The following TRHDE variants were observed in gnomAD, a reference collection of about 807,000 sequenced individuals.
The protein encoded by TRHDE is thyrotropin releasing hormone degrading enzyme, also known as thyrotropin-releasing hormone-degrading ectoenzyme.
TRHDE carries 72 observed loss-of-function variants against 125.7 expected under a neutral mutation model. The observed-to-expected ratio is 0.57, with a 90% confidence interval of 0.47 to 0.70. TRHDE has a LOEUF of 0.70. Among genes scored for constraint, TRHDE ranks in the 30% least tolerant of loss-of-function variants. The pLI, the probability that TRHDE is intolerant of heterozygous loss-of-function variation, is 0.00. For missense variants in TRHDE, 1,110 were observed against 1,327.1 expected, an observed-to-expected ratio of 0.84 and a Z score of 2.54; for synonymous variants, 509 against 509.1, an observed-to-expected ratio of 1.00 and a Z score of 0.00.
At chr12:72,452,020 G>A (rs1229895908) in intron 3 of TRHDE, among the ~76,000 whole-genome samples, 1 of 152,084 alleles carries the variant, frequency 6.6e-6, no homozygotes, top group Non-Finnish European at 1.5e-5. Flanking sequence ...GTAGAGACAG[G>A]GTTTCACTAT....
At chr12:72,575,629 T>C (rs942549690) in intron 12 of TRHDE, 87 bp downstream of exon 12, 41 of 1,212,028 alleles carry the variant, frequency 3.4e-5, no homozygotes, top group Admixed American at 6.0e-5. Context: ...ATGTCTTTTA[T>C]TTAGGACATT....
intron 3 of TRHDE, among the ~76,000 whole-genome samples, chr12:72,410,354 T>C (rs934735574): frequency 6.6e-6 from 1 of 152,154 alleles, no homozygotes; most frequent in Non-Finnish European, 1.5e-5. Flanking sequence ...ATACAGCTTC[T>C]TAAATATCAG....
At chr12:72,252,670 CA>C in intron 2 of TRHDE, among the ~76,000 whole-genome samples, 1 of 152,050 alleles carries the variant, frequency 6.6e-6, no homozygotes, top group East Asian at 1.9e-4. Flanking sequence ...CCAATGCCTA[CA>C]AAAAACTTCC....
chr12:72,626,216 C>G (rs1873251442), intron 15 of TRHDE, among the ~76,000 whole-genome samples: 1 of 151,748 alleles, frequency 6.6e-6, no homozygotes, highest in Admixed American at 6.6e-5. Flanking sequence ...AAGTTGTTTC[C>G]CTAAATAACC....
chr12:72,202,103 T>C (rs150039478), intron 2 of TRHDE, among the ~76,000 whole-genome samples: 207 of 152,316 alleles, frequency 1.4e-3, no homozygotes, highest in Admixed American at 2.3e-3. Context: ...TGATGGTTGC[T>C]TGGTGAGATG....
At chr12:72,167,912 A>C (rs550186016) in intron 2 of TRHDE, among the ~76,000 whole-genome samples, 1 of 152,190 alleles carries the variant, frequency 6.6e-6, no homozygotes, top group Non-Finnish European at 1.5e-5. Flanking sequence ...CAGGGGTACA[A>C]AAATTTAACT....
intron 2 of TRHDE, chr12:72,137,604 T>C (rs1170940799): frequency 6.6e-6 from 1 of 152,038 alleles, no homozygotes; most frequent in Non-Finnish European, 1.5e-5. Context: ...AGAAAGGGAG[T>C]AAATATGGTG....
At chr12:72,195,326 A>G (rs983371587) in intron 2 of TRHDE, among the ~76,000 whole-genome samples, 2 of 152,050 alleles carry the variant, frequency 1.3e-5, no homozygotes, top group African/African-American at 4.8e-5. Context: ...AAATCTCTAA[A>G]CTGCTTTCCA....
intron 1 of TRHDE, among the ~76,000 whole-genome samples, chr12:72,100,582 G>A (rs77337994): frequency 2.6e-4 from 39 of 152,280 alleles, no homozygotes; most frequent in African/African-American, 9.1e-4. Context: ...ATCTTCTGTG[G>A]ACATCCCTTC....
chr12:72,450,156 G>A (rs1307742206), intron 3 of TRHDE, among the ~76,000 whole-genome samples: 7 of 152,010 alleles, frequency 4.6e-5, no homozygotes, highest in African/African-American at 9.7e-5. Flanking sequence ...TGGTGACTAT[G>A]GTTAATAGCA....
intron 2 of TRHDE, among the ~76,000 whole-genome samples, chr12:72,320,047 G>A (rs1869007466): frequency 6.6e-6 from 1 of 152,008 alleles, no homozygotes. Context: ...TCCAGGTGAG[G>A]CTTGAACCTG....
chr12:72,184,124 T>C (rs1430940595), intron 2 of TRHDE, among the ~76,000 whole-genome samples: 2 of 152,206 alleles, frequency 1.3e-5, no homozygotes, highest in Non-Finnish European at 2.9e-5. Flanking sequence ...TCGTTCATCA[T>C]GAATTTTTAG....
intron 18 of TRHDE, among the ~76,000 whole-genome samples, chr12:72,661,572 A>G (rs1874919186): frequency 6.6e-6 from 1 of 152,188 alleles, no homozygotes; most frequent in South Asian, 2.1e-4. Flanking sequence ...GATGAGTCTG[A>G]ACATAAATAT....
intron 7 of TRHDE, among the ~76,000 whole-genome samples, chr12:72,558,341 T>G (rs1870018614): frequency 6.6e-6 from 1 of 151,960 alleles, no homozygotes; most frequent in Non-Finnish European, 1.5e-5. Flanking sequence ...TGAATTGAGG[T>G]AGGCAAAGGA....
intron 2 of TRHDE, among the ~76,000 whole-genome samples, chr12:72,146,921 C>A (rs969138722): frequency 6.6e-6 from 1 of 152,126 alleles, no homozygotes; most frequent in African/African-American, 2.4e-5. Context: ...GATGCGGAGC[C>A]GGAAGAAGGG....
intron 5 of TRHDE, among the ~76,000 whole-genome samples, chr12:72,486,021 T>C (rs1298227598): frequency 6.6e-6 from 1 of 152,166 alleles, no homozygotes; most frequent in East Asian, 1.9e-4. Flanking sequence ...TGGTACCTCA[T>C]ACCCCACTGT....
At chr12:72,292,794 CCCTAATT>C (rs1880137885) in intron 2 of TRHDE, among the ~76,000 whole-genome samples, 1 of 152,170 alleles carries the variant, frequency 6.6e-6, no homozygotes, top group Non-Finnish European at 1.5e-5. Context: ...TATGACAGTG[CCCTAATT>C]CCAAGTATCA....
chr12:72,486,927 A>G (rs185664443), intron 5 of TRHDE, among the ~76,000 whole-genome samples: 12 of 152,250 alleles, frequency 7.9e-5, no homozygotes, highest in African/African-American at 2.4e-4. Flanking sequence ...GCAATTCATT[A>G]TCTGAGTGAG....
At chr12:72,300,365 TACACACAC>T (rs10642447) in intron 2 of TRHDE, among the ~76,000 whole-genome samples, 38 of 102,746 alleles carry the variant, frequency 3.7e-4, no homozygotes, top group Admixed American at 7.4e-4. Context: ...TATATGTGTA[TACACACAC>T]ACACACACAC....
Sources: gnomAD v4.1 joint callset for allele counts (sites outside exome capture counted in the v4.1 genomes callset) on GRCh38, gnomAD v4.1.1 for gene constraint, MANE v1.5 for transcripts, NCBI Gene and HGNC (gene_info 2026-07-23, HGNC 2026-07-21) for gene names.